CNTNAP2: variants seen among roughly 807,000 people sequenced by gnomAD.
The protein encoded by CNTNAP2 is contactin associated protein 2.
A neutral mutation model predicts 155.2 loss-of-function variants in CNTNAP2; 98 were observed. The ratio of observed to expected loss-of-function variants is 0.63; its 90% CI spans 0.54 to 0.75. The LOEUF is 0.75. CNTNAP2 is among the 30% of genes least tolerant of loss of function. CNTNAP2 has a pLI of 0.00. For synonymous variants in CNTNAP2, 651 were observed against 631.2 expected, an observed-to-expected ratio of 1.03 and a Z score of -0.47; for missense variants, 1,727 against 1,688.1, an observed-to-expected ratio of 1.02 and a Z score of -0.40.
chr7:146,972,463 G>A (rs906528689), intron 3 of CNTNAP2, among the ~76,000 whole-genome samples: 1 of 152,194 alleles, frequency 6.6e-6, no homozygotes, highest in Non-Finnish European at 1.5e-5. Flanking sequence ...TATATGTACA[G>A]AATGGAATAC....
At chr7:147,181,274 T>C (rs188958599) in intron 8 of CNTNAP2, among the ~76,000 whole-genome samples, 60 of 152,084 alleles carry the variant, frequency 3.9e-4, no homozygotes, top group African/African-American at 1.0e-3. Flanking sequence ...AGAGGCAGAG[T>C]GAATGGACTG....
chr7:148,229,744 A>G lies in CNTNAP2; in HGVS notation c.3346A>G (p.Asn1116Asp), dbSNP rs796052383. The change falls in exon 20 of 24, where the codon AAC becomes GAC. Residue 1116 changes from asparagine to aspartate, a missense_variant. Coordinates refer to ENST00000361727, the MANE Select transcript of CNTNAP2 (RefSeq NM_014141.6). The stretch of plus-strand genomic sequence containing the variant: ...GGCCAATGGACAGCCCCACAGTGTC[A>G]ACATCACCCGCCACGAGAAGACCAT... Reference protein sequence around the residue: ...NMANGQPHSVNITRHEKTIFL... With the variant: ...NMANGQPHSVDITRHEKTIFL... The G allele has an allele frequency of 1.2e-6, 2 of 1,614,126 alleles. No individual in the cohort carries two copies. The highest frequency in any genetic ancestry group is 2.2e-5 in the East Asian group (1 of 44,872).
intron 1 of CNTNAP2, among the ~76,000 whole-genome samples, chr7:146,368,276 A>G (rs1294192288): frequency 6.6e-6 from 1 of 152,196 alleles, no homozygotes; most frequent in Non-Finnish European, 1.5e-5. Flanking sequence ...AGCTTGAAGT[A>G]TTATATATAT....
At chr7:147,225,076 G>A (rs1222072302) in intron 8 of CNTNAP2, among the ~76,000 whole-genome samples, 1 of 152,110 alleles carries the variant, frequency 6.6e-6, no homozygotes, top group East Asian at 1.9e-4. Flanking sequence ...TTGCAGTTAA[G>A]TAAAACATCC....
intron 15 of CNTNAP2, among the ~76,000 whole-genome samples, chr7:148,035,816 T>G (rs541723828): frequency 1.1e-4 from 17 of 152,230 alleles, no homozygotes; most frequent in Non-Finnish European, 2.4e-4. Flanking sequence ...CCATGAGAGC[T>G]CCTATGTGGG....
At chr7:146,774,458 T>TAA in intron 2 of CNTNAP2, 77 bp downstream of exon 2, 4 of 979,340 alleles carry the variant, frequency 4.1e-6, no homozygotes, top group South Asian at 2.8e-5. Flanking sequence ...TATATATATA[T>TAA]AATCACACAA....
At chr7:148,267,217 C>G (rs1796689221) in intron 21 of CNTNAP2, 91 bp downstream of exon 21, 19 of 1,107,582 alleles carry the variant, frequency 1.7e-5, no homozygotes, top group Non-Finnish European at 2.5e-5. Flanking sequence ...GTAAATTTCT[C>G]TTACTGGGGC....
chr7:147,027,027 G>GAA (rs35010258), intron 3 of CNTNAP2, among the ~76,000 whole-genome samples: 4 of 116,708 alleles, frequency 3.4e-5, no homozygotes, highest in Non-Finnish European at 7.2e-5. Context: ...ACAAAAAAAA[G>GAA]AAAAAAAAAA....
chr7:147,150,690 T>C (rs1801807823), intron 8 of CNTNAP2, among the ~76,000 whole-genome samples: 2 of 152,188 alleles, frequency 1.3e-5, no homozygotes, highest in Admixed American at 1.3e-4. Flanking sequence ...GAATTATGAA[T>C]GTTGATTTAT....
intron 13 of CNTNAP2, among the ~76,000 whole-genome samples, chr7:147,809,911 G>A (rs1798153499): frequency 6.6e-6 from 1 of 152,184 alleles, no homozygotes; most frequent in East Asian, 1.9e-4. Flanking sequence ...AGTCACATTT[G>A]ATTTTGGAGT....
chr7:146,825,710 G>T (rs969088979), intron 2 of CNTNAP2, among the ~76,000 whole-genome samples: 3 of 152,118 alleles, frequency 2.0e-5, no homozygotes, highest in African/African-American at 4.8e-5. Flanking sequence ...AGCAATATCT[G>T]TCTCAATTGT....
At chr7:146,389,975 A>G (rs1795516999) in intron 1 of CNTNAP2, among the ~76,000 whole-genome samples, 1 of 152,000 alleles carries the variant, frequency 6.6e-6, no homozygotes, top group African/African-American at 2.4e-5. Context: ...TGCTACGATT[A>G]CAGATGTGAG....
At chr7:147,388,582 T>TC (rs1167544897) in intron 9 of CNTNAP2, among the ~76,000 whole-genome samples, 1 of 151,984 alleles carries the variant, frequency 6.6e-6, no homozygotes, top group Non-Finnish European at 1.5e-5. Flanking sequence ...TCTGTCTTTT[T>TC]TTTTCTTTTC....
intron 14 of CNTNAP2, among the ~76,000 whole-genome samples, chr7:147,969,589 G>T (rs1376635557): frequency 6.6e-6 from 1 of 152,106 alleles, no homozygotes; most frequent in Non-Finnish European, 1.5e-5. Flanking sequence ...GAGGTTTAAG[G>T]TTTGTCACCT....
chr7:147,477,513 C>T (rs894527596), intron 10 of CNTNAP2, among the ~76,000 whole-genome samples: 7 of 152,124 alleles, frequency 4.6e-5, no homozygotes, highest in Non-Finnish European at 8.8e-5. Flanking sequence ...TTTAGTTTTT[C>T]CCTTTCCTGT....
chr7:147,315,478 C>CTTTTTTT (rs3050776), intron 9 of CNTNAP2, among the ~76,000 whole-genome samples: 1 of 103,942 alleles, frequency 9.6e-6, no homozygotes, highest in Non-Finnish European at 1.9e-5. Context: ...TTATTCTGGA[C>CTTTTTTT]TTTTTTTTTT....
chr7:147,692,046 T>C (rs1366380710), intron 13 of CNTNAP2, among the ~76,000 whole-genome samples: 5 of 152,160 alleles, frequency 3.3e-5, no homozygotes, highest in Non-Finnish European at 2.9e-5. Flanking sequence ...TTCTGACAAC[T>C]ATTGATCTTT....
chr7:147,582,285 C>A (rs978938962), intron 12 of CNTNAP2, among the ~76,000 whole-genome samples: 1 of 152,064 alleles, frequency 6.6e-6, no homozygotes, highest in Non-Finnish European at 1.5e-5. Context: ...TGTATAGGTT[C>A]ACTTTACTAA....
chr7:147,714,475 CAA>C (rs1247717793), intron 13 of CNTNAP2, among the ~76,000 whole-genome samples: 1 of 151,006 alleles, frequency 6.6e-6, no homozygotes, highest in Non-Finnish European at 1.5e-5. Context: ...AAAAAAAAGA[CAA>C]GAGGGAGCAA....
Sources: gnomAD v4.1 joint callset for allele counts (sites outside exome capture counted in the v4.1 genomes callset) on GRCh38, gnomAD v4.1.1 for gene constraint, MANE v1.5 for transcripts, NCBI Gene and HGNC (gene_info 2026-07-23, HGNC 2026-07-21) for gene names.